The following CSMD2 variants were observed in gnomAD, a reference collection of about 807,000 sequenced individuals.
CSMD2 encodes the protein CUB and sushi domain-containing protein 2.
In CSMD2, 130 loss-of-function variants were observed where a neutral mutation model predicts 398.5. The ratio of observed to expected loss-of-function variants is 0.33; its 90% confidence interval spans 0.28 to 0.38. The LOEUF (loss-of-function observed/expected upper bound fraction) is 0.38. Ranked by LOEUF, CSMD2 falls within the 10% of genes least tolerant of loss-of-function variation. The probability of loss-of-function intolerance (pLI) is 1.00; values close to 1 mark genes in which losing one functional copy is unlikely to be tolerated. For synonymous variants in CSMD2, 1,828 were observed against 1,908.5 expected (o/e 0.96, Z 1.10); for missense variants, 3,829 against 4,764.9 (o/e 0.80, Z 5.78).
At chr1:33,932,603 G>A (rs1644349566) in intron 4 of CSMD2, among the ~76,000 whole-genome samples, 1 of 152,162 alleles carries the variant, frequency 6.6e-6, no homozygotes, top group African/African-American at 2.4e-5. Context: ...GCTGCCCGCT[G>A]TGCCTGGACA....
chr1:33,775,230 AAAT>A (rs1651817276), intron 12 of CSMD2, among the ~76,000 whole-genome samples: 1 of 152,192 alleles, frequency 6.6e-6, no homozygotes, highest in Non-Finnish European at 1.5e-5. Context: ...CCAACATTTA[AAAT>A]AAAGCCTGGA....
At chr1:33,788,892 T>C (rs1434174445) in intron 11 of CSMD2, among the ~76,000 whole-genome samples, 180 bp from the exon 12 acceptor site, 1 of 152,188 alleles carries the variant, frequency 6.6e-6, no homozygotes, top group Admixed American at 6.5e-5. Flanking sequence ...CTGGGAAGAC[T>C]CATCCTGTCT....
chr1:33,790,801 ATATC>A (rs3078814), intron 11 of CSMD2, among the ~76,000 whole-genome samples: 18,027 of 148,472 alleles, frequency 0.12, 1,187 homozygotes, highest in Middle Eastern at 0.15. Context: ...CATCTCTCTA[ATATC>A]TATCTATCTA....
At chr1:33,827,441 C>G (rs533585575) in intron 6 of CSMD2, among the ~76,000 whole-genome samples, 24 of 152,310 alleles carry the variant, frequency 1.6e-4, no homozygotes, top group Non-Finnish European at 3.2e-4. Context: ...TCAGGTATCT[C>G]TACGACTTGC....
chr1:34,095,674 T>C (rs866536992), intron 1 of CSMD2, among the ~76,000 whole-genome samples: 29 of 151,674 alleles, frequency 1.9e-4, no homozygotes, highest in Admixed American at 5.3e-4. Flanking sequence ...AATGGATAAA[T>C]TCCTGGACAC....
intron 42 of CSMD2, among the ~76,000 whole-genome samples, chr1:33,604,810 TGTA>T (rs2148817520): frequency 9.7e-6 from 1 of 103,056 alleles, no homozygotes; most frequent in South Asian, 3.4e-4. Flanking sequence ...TCCAGCCCTG[TGTA>T]GAAGGAGAGT....
In CSMD2 at chr1:34,126,975, CA is replaced by C. The variant is rs139914063; in HGVS notation, c.188-37783del. 4.7e-4 allele frequency among the ~76,000 whole-genome samples: 71 copies of C among 152,092 alleles called. 1 individual carries two copies. Among genetic ancestry groups the C allele is most frequent in the Non-Finnish European group, 9.3e-4 (63 of 67,992 alleles). On this transcript the variant is annotated intron_variant, in intron 1 of 70. Coordinates refer to ENST00000373381, the MANE Select transcript of CSMD2 (RefSeq NM_001281956.2). ...AGATGGGCAGATAGAAAAAGAGACA[CA>C]ACGGCAGATAGAGAGTGAGACCGCA...
chr1:33,552,197 C>T (rs1414871948), intron 55 of CSMD2, among the ~76,000 whole-genome samples: 1 of 152,172 alleles, frequency 6.6e-6, no homozygotes, highest in Non-Finnish European at 1.5e-5. Context: ...ATGTAAACTA[C>T]AATGAGATAG....
In CSMD2 at chr1:33,584,308, C is replaced by T. The variant is rs1156457863; in HGVS notation, c.7052-478G>A. On this transcript the variant is annotated intron_variant, in intron 46 of 70. Coordinates refer to ENST00000373381, the MANE Select transcript of CSMD2 (RefSeq NM_001281956.2). Reference sequence around the variant, plus strand: ...TGGTCTTGAACAAGTTATCTCCTCTCTGTGTGATGGCTTCTCTATCTCCAA... The same window carrying T: ...TGGTCTTGAACAAGTTATCTCCTCTTTGTGTGATGGCTTCTCTATCTCCAA... 3.9e-5 allele frequency among the ~76,000 whole-genome samples: 6 copies of T among 152,220 alleles called. No individual in the cohort carries two copies. In the East Asian group the frequency reaches 1.2e-3, roughly 29 times the overall value.
chr1:34,060,035 G>A (rs1184088669), intron 2 of CSMD2, among the ~76,000 whole-genome samples: 3 of 152,208 alleles, frequency 2.0e-5, no homozygotes, highest in Non-Finnish European at 2.9e-5. Context: ...TCACATTTGT[G>A]ACCTCTAGAA....
chr1:33,727,934 G>A (rs1166202040), intron 15 of CSMD2, among the ~76,000 whole-genome samples: 3 of 152,058 alleles, frequency 2.0e-5, no homozygotes, highest in Non-Finnish European at 4.4e-5. Context: ...ATTGACTGGG[G>A]GTTGACTCCA....
chr1:33,673,919 T>C (rs1644605541), intron 25 of CSMD2, among the ~76,000 whole-genome samples: 1 of 152,202 alleles, frequency 6.6e-6, no homozygotes, highest in South Asian at 2.1e-4. Flanking sequence ...CTGAGAGATT[T>C]TGTCACCACC....
At chr1:33,964,206 T>G (rs575670171) in intron 3 of CSMD2, among the ~76,000 whole-genome samples, 1 of 151,680 alleles carries the variant, frequency 6.6e-6, no homozygotes, top group African/African-American at 2.4e-5. Context: ...CGGGTTCAAA[T>G]CCTGGCTCTA....
chr1:33,618,732 C>G (rs898742829), intron 37 of CSMD2, among the ~76,000 whole-genome samples: 3 of 151,976 alleles, frequency 2.0e-5, no homozygotes, highest in Non-Finnish European at 4.4e-5. Flanking sequence ...GTGAGGGTAT[C>G]CCCTCATACC....
chr1:33,971,922 C>T (rs557853276), intron 3 of CSMD2, among the ~76,000 whole-genome samples: 7 of 152,270 alleles, frequency 4.6e-5, no homozygotes, highest in East Asian at 1.9e-4. Context: ...AATCACAGCT[C>T]GATACTTCTT....
intron 3 of CSMD2, among the ~76,000 whole-genome samples, chr1:33,992,884 A>AAT (rs1553274351): frequency 2.0e-5 from 3 of 151,726 alleles, no homozygotes; most frequent in African/African-American, 7.3e-5. Context: ...CTCAAAAAAA[A>AAT]AAAAAAAAAA....
intron 40 of CSMD2, among the ~76,000 whole-genome samples, chr1:33,613,265 C>T (rs1327036811): frequency 6.6e-6 from 1 of 152,178 alleles, no homozygotes; most frequent in Non-Finnish European, 1.5e-5. Context: ...AACATAAGGA[C>T]TTACAGGGAA....
At chr1:33,844,289 G>T (rs866881092) in intron 6 of CSMD2, among the ~76,000 whole-genome samples, 5 of 149,728 alleles carry the variant, frequency 3.3e-5, no homozygotes, top group Middle Eastern at 6.9e-3. Context: ...TGTGTGTGTG[G>T]GGGGGCGCTG....
intron 6 of CSMD2, among the ~76,000 whole-genome samples, chr1:33,837,670 T>A (rs1660444374): frequency 6.6e-6 from 1 of 152,250 alleles, no homozygotes; most frequent in Non-Finnish European, 1.5e-5. Flanking sequence ...AACACATGGA[T>A]ACAAATATTC....
Sources: gnomAD v4.1 joint callset for allele counts (sites outside exome capture counted in the v4.1 genomes callset) on GRCh38, gnomAD v4.1.1 for gene constraint, MANE v1.5 for transcripts, NCBI Gene and HGNC (gene_info 2026-07-23, HGNC 2026-07-21) for gene names.